DET1: variants seen among roughly 807,000 people sequenced by gnomAD.
The protein encoded by DET1 is DET1 homolog.
Under a neutral mutation model 43.7 loss-of-function variants are expected in DET1, and 22 were observed. That is an observed-to-expected ratio of 0.50 (90% CI 0.36 to 0.72). DET1 has a LOEUF of 0.72. Ranked by LOEUF, DET1 falls within the 30% of genes least tolerant of loss-of-function variation. The pLI is 0.00. For synonymous variants in DET1, 315 were observed against 266.2 expected, an observed-to-expected ratio of 1.18 and a Z score of -1.79; for missense variants, 713 against 713.3, an observed-to-expected ratio of 1.00 and a Z score of 0.00.
chr15:88,517,782 T>C (rs1295216083), intron 3 of DET1, among the ~76,000 whole-genome samples: 1 of 152,202 alleles, frequency 6.6e-6, no homozygotes, highest in Non-Finnish European at 1.5e-5. Context: ...ATTCTTTGTT[T>C]GTTTAAATAA....
intron 1 of DET1, among the ~76,000 whole-genome samples, chr15:88,538,507 G>A (rs947458247): frequency 6.6e-6 from 1 of 151,504 alleles, no homozygotes; most frequent in East Asian, 1.9e-4. Context: ...CTAAACCAAG[G>A]TATAAAAGTT....
chr15:88,532,373 G>T (rs2056838390), intron 1 of DET1, among the ~76,000 whole-genome samples: 1 of 152,054 alleles, frequency 6.6e-6, no homozygotes, highest in African/African-American at 2.4e-5. Context: ...GGGCTGTTAA[G>T]ATATCCATAT....
rs548447824 is a variant in DET1, at chr15:88,530,727, G to C, written c.979C>G (p.Arg327Gly). 1 of 1,613,910 alleles carries C rather than the reference G, an allele frequency of 6.2e-7. No individual in the cohort carries two copies. The change falls in exon 2 of 5, where the codon CGG (arginine) becomes GGG (glycine). Residue 327 changes from arginine (R) to glycine (G), a missense_variant. Physicochemically the swap from Arg to Gly is moderately radical, Grantham distance 125. Coordinates refer to ENST00000268148, the MANE Select transcript of DET1 (RefSeq NM_001144074.3). ...RRFFQYFDQLRQLRMWKMQLL... is the reference protein window; with the variant it reads ...RRFFQYFDQLGQLRMWKMQLL... ...TGCATTTTCCACATTCGCAGCTGCC[G>C]CAGTTGGTCAAAATACTGGAAGAAG...
rs540805333 is a variant in DET1 at position 88,504,738 on chromosome 15, C to G, written c.*2066-751G>C. The G allele has an allele frequency of 1.3e-5, 2 of 152,278 alleles. No homozygotes were observed. The highest frequency in any genetic ancestry group is 3.9e-4 in the East Asian group (2 of 5,176). The allele number at this position is 152,278 out of a possible 1,614,324, so 9.4% of individuals were successfully genotyped here. ...AGACAACCAGGGATAGCACCTAGAC[C>G]CCAGGGCCCATCAAAATTCAAATTA... On this transcript the variant is annotated intron_variant and NMD_transcript_variant, in intron 7 of 8. Coordinates refer to the DET1 transcript ENST00000557842. The surrounding 1 kb of genome is among the most constrained non-coding windows in gnomAD (Gnocchi z 4.7).
At chr15:88,503,526 T>A (rs1251472594) in intron 8 of DET1, 1 of 152,222 alleles carries the variant, frequency 6.6e-6, no homozygotes, top group Non-Finnish European at 1.5e-5. Context: ...TACTTGACAT[T>A]AACCAGTAAT....
At chr15:88,538,980 G>A (rs2057023482) in intron 1 of DET1, among the ~76,000 whole-genome samples, 1 of 152,062 alleles carries the variant, frequency 6.6e-6, no homozygotes, top group Non-Finnish European at 1.5e-5. Context: ...TGGTTTTCTG[G>A]TAGGCGCCTC....
chr15:88,523,064 C>T (rs1249198796), intron 3 of DET1, among the ~76,000 whole-genome samples: 2 of 151,330 alleles, frequency 1.3e-5, no homozygotes, highest in Non-Finnish European at 2.9e-5. Flanking sequence ...TTTGTTTTTT[C>T]GGAGACCAGC....
intron 1 of DET1, among the ~76,000 whole-genome samples, chr15:88,535,869 G>A (rs748707410): frequency 8.5e-5 from 13 of 152,050 alleles, no homozygotes; most frequent in Non-Finnish European, 1.8e-4. Flanking sequence ...AAGGAGGAAG[G>A]AAATTTCCCA....
intron 2 of DET1, 125 bp from the exon 3 acceptor site, chr15:88,527,911 CAA>C: frequency 1.7e-6 from 1 of 593,302 alleles, no homozygotes; most frequent in Non-Finnish European, 2.6e-6. Flanking sequence ...ACAACAACAA[CAA>C]CAACAACAAG....
downstream of DET1, among the ~76,000 whole-genome samples, chr15:88,507,975 C>T (rs746776986): frequency 4.1e-4 from 63 of 152,280 alleles, no homozygotes; most frequent in African/African-American, 1.5e-3. Context: ...CTCCACCTCC[C>T]GTCAGATTAG....
At chr15:88,543,183 G>A (rs1349449324) in intron 1 of DET1, among the ~76,000 whole-genome samples, 1 of 152,164 alleles carries the variant, frequency 6.6e-6, no homozygotes, top group Non-Finnish European at 1.5e-5. Flanking sequence ...CTAAGGGGGT[G>A]CTTACTCAGA....
In DET1 at chr15:88,512,774, T is replaced by A. The variant is rs962311970; in HGVS notation, c.*177A>T. 1.9e-4 allele frequency: 258 copies of A among 1,387,530 alleles called. 3 individuals are homozygous for A. The East Asian group carries it at 6.5e-3, about 35-fold the overall frequency. The allele number at this position is 1,387,530 out of a possible 1,614,324, so 86.0% of individuals were successfully genotyped here. A position where few individuals can be genotyped will look rare whatever the true frequency, so the allele number is the denominator to read the frequency against. On this transcript the variant is annotated 3_prime_UTR_variant, in exon 5 of 5. Transcript: ENST00000268148. ...CAATCAGTAGCAGTATTGTATACAA[T>A]TTAAAAATTCCATTAGGTTGAGCCA...
In DET1 at chr15:88,516,876, C is replaced by T. The variant is rs375810992; in HGVS notation, c.1369G>A (p.Gly457Ser). The change falls in exon 4 of 5, where the codon GGT becomes AGT. Residue 457 changes from glycine to serine, a missense_variant. Physicochemically the swap from Gly to Ser is moderately conservative, Grantham distance 56. Coordinates refer to ENST00000268148, the MANE Select transcript of DET1 (RefSeq NM_001144074.3). This position sits in a 1 kb window ranked among gnomAD's most constrained non-coding sequence, Gnocchi z 4.4. ...AGAGACAAATCCAGATAGGGGCTAC[C>T]GCTGTAAGACTGAGCACTGATGGGG... ...QLPISAQSYS[G>S]SPYLDLSLFS... 120 of 1,611,096 alleles carry T rather than the reference C, an allele frequency of 7.4e-5. 1 individual carries two copies. The highest frequency in any genetic ancestry group is 1.0e-4 in the Admixed American group (6 of 59,530).
intron 2 of DET1, among the ~76,000 whole-genome samples, chr15:88,530,042 C>G (rs939833766): frequency 6.6e-6 from 1 of 152,230 alleles, no homozygotes; most frequent in Admixed American, 6.5e-5. Context: ...GACCTCTTCA[C>G]TGCTCTACAA....
At chr15:88,513,619 TGA>T in intron 4 of DET1, among the ~76,000 whole-genome samples, 2 of 144,020 alleles carry the variant, frequency 1.4e-5, no homozygotes, top group African/African-American at 5.1e-5. Flanking sequence ...AAACTATTAG[TGA>T]GTTTTTTTTT....
intron 7 of DET1, among the ~76,000 whole-genome samples, chr15:88,506,285 C>G (rs2278597): frequency 0.71 from 108,133 of 152,136 alleles, 38,925 homozygotes; most frequent in South Asian, 0.84. Flanking sequence ...ATAGGTGACA[C>G]AGCCAGGGTT....
chr15:88,527,791 A>G lies in DET1; in HGVS notation c.1084-5T>C. On this transcript the variant is annotated splice_polypyrimidine_tract_variant and splice_region_variant and intron_variant, in intron 2 of 4. Coordinates refer to ENST00000268148, the MANE Select transcript of DET1 (RefSeq NM_001144074.3). ...GTACACCACAAAGAAAGATGCCTGCAGAAGAAAAGAGAGAGAGGTATGGGA... is the reference window on the plus strand; with the variant it reads ...GTACACCACAAAGAAAGATGCCTGCGGAAGAAAAGAGAGAGAGGTATGGGA... The G allele has an allele frequency of 6.3e-7, 1 of 1,577,946 alleles. No homozygotes were observed. The highest frequency in any genetic ancestry group is 8.6e-7 in the Non-Finnish European group (1 of 1,159,920).
At position 88,516,932 on chromosome 15, in the gene DET1, G is replaced by C; in HGVS notation, c.1313C>G (p.Thr438Arg). The C allele has an allele frequency of 1.2e-6, 2 of 1,607,240 alleles. No individual in the cohort carries two copies. Among genetic ancestry groups the C allele is most frequent in the Non-Finnish European group, 1.7e-6 (2 of 1,176,850 alleles). The change falls in exon 4 of 5, where the codon ACA becomes AGA. Residue 438 changes from threonine to arginine, a missense_variant. Thr to Arg is a moderately conservative substitution (Grantham distance 71). Coordinates refer to ENST00000268148, the MANE Select transcript of DET1 (RefSeq NM_001144074.3). The surrounding 1 kb of genome is among the most constrained non-coding windows in gnomAD (Gnocchi z 4.4). ...TIINAKYGGH[T>R]EAVRRLLGQL... is the part of the protein sequence containing the mutation. The stretch of plus-strand genomic sequence containing the variant: ...ACCCAGCAGCCGGCGTACTGCCTCT[G>C]TGTGCCCTCCATACTTGGCATTTAT...
Position 88,527,652 on chromosome 15 carries a change from A to G in DET1, c.1218T>C (p.Val406=), listed in dbSNP as rs749686768. The change falls in exon 3 of 5, where the codon GTT becomes GTC. Residue 406 remains valine, a synonymous_variant. Transcript: ENST00000268148. Reference sequence around the variant, plus strand: ...TGCTAGAAGCTGAGCAGGGAAACTGAACTTCACTGTGCAGGGTAGCATTAC... The same window carrying G: ...TGCTAGAAGCTGAGCAGGGAAACTGGACTTCACTGTGCAGGGTAGCATTAC... The part of the protein sequence containing the change: ...LFRNATLHSE[V]QFPCSASSNN... The G allele has an allele frequency of 1.2e-6, 2 of 1,612,692 alleles. No homozygotes were observed. The highest frequency in any genetic ancestry group is 1.7e-6 in the Non-Finnish European group (2 of 1,179,324).
Sources: gnomAD v4.1 joint callset for allele counts (sites outside exome capture counted in the v4.1 genomes callset) on GRCh38, gnomAD v4.1.1 for gene constraint, Gnocchi (gnomAD v3.1) non-coding constraint, MANE v1.5 for transcripts, NCBI Gene and HGNC (gene_info 2026-07-23, HGNC 2026-07-21) for gene names.